CSMD1: variants seen among roughly 807,000 people sequenced by gnomAD.
CSMD1 encodes the protein CUB and Sushi multiple domains 1.
CSMD1 carries 213 observed loss-of-function variants against 417.5 expected under a neutral mutation model. That is an observed-to-expected ratio of 0.51 (90% CI 0.46 to 0.57). The LOEUF is 0.57. CSMD1 is among the 20% of genes least tolerant of loss of function. The pLI, the probability that CSMD1 is intolerant of heterozygous loss-of-function variation, is 0.00. For missense variants in CSMD1, 6,923 were observed against 4,529.7 expected, an observed-to-expected ratio of 1.53 and a Z score of -15.17; for synonymous variants, 2,862 against 1,736.8, an observed-to-expected ratio of 1.65 and a Z score of -16.11.
At chr8:3,982,028 T>C (rs1972150) in intron 5 of CSMD1, among the ~76,000 whole-genome samples, 1 of 151,734 alleles carries the variant, frequency 6.6e-6, no homozygotes, top group Non-Finnish European at 1.5e-5. Context: ...AAAATTAGCC[T>C]GGCGCGGTGA....
At chr8:4,261,791 A>G (rs1803906168) in intron 3 of CSMD1, among the ~76,000 whole-genome samples, 1 of 152,128 alleles carries the variant, frequency 6.6e-6, no homozygotes, top group South Asian at 2.1e-4. Flanking sequence ...TAGTTTGATA[A>G]TGGTAATCAT....
intron 12 of CSMD1, among the ~76,000 whole-genome samples, chr8:3,452,852 C>A (rs963993804): frequency 6.6e-6 from 1 of 152,136 alleles, no homozygotes; most frequent in Admixed American, 6.5e-5. Flanking sequence ...AGGGAGGATT[C>A]CCTCTTTTTC....
chr8:4,840,637 G>A (rs1199115614), intron 1 of CSMD1, among the ~76,000 whole-genome samples: 2 of 152,168 alleles, frequency 1.3e-5, no homozygotes, highest in Non-Finnish European at 2.9e-5. Context: ...AATGAGCATT[G>A]CTATACTTTC....
At chr8:4,542,992 G>C (rs1797466613) in intron 2 of CSMD1, among the ~76,000 whole-genome samples, 1 of 152,112 alleles carries the variant, frequency 6.6e-6, no homozygotes, top group African/African-American at 2.4e-5. Context: ...TTTACAAATT[G>C]ATAGTCTATA....
chr8:4,760,994 T>A (rs1420237621), intron 1 of CSMD1, among the ~76,000 whole-genome samples: 1 of 152,126 alleles, frequency 6.6e-6, no homozygotes, highest in African/African-American at 2.4e-5. Context: ...CTCACCTCCC[T>A]TTATCATTGT....
chr8:4,731,374 G>A (rs1809855338), intron 1 of CSMD1, among the ~76,000 whole-genome samples: 1 of 152,078 alleles, frequency 6.6e-6, no homozygotes, highest in African/African-American at 2.4e-5. Flanking sequence ...AGCTGCATGT[G>A]ACACATTCCC....
intron 5 of CSMD1, among the ~76,000 whole-genome samples, chr8:3,915,936 C>G (rs1808791660): frequency 1.3e-5 from 2 of 151,122 alleles, no homozygotes; most frequent in Admixed American, 6.6e-5. Context: ...CCTACATAAA[C>G]TGGCTCCAAA....
rs1333019306 is a variant in CSMD1 at position 3,990,756 on chromosome 8, C to G, written c.818+7147G>C. ...TGGCTTCTCAGAGTTGCAGGGGCACCTGCTGGTGAGTCCATCCCTTTCATG... is the reference window on the plus strand; with the variant it reads ...TGGCTTCTCAGAGTTGCAGGGGCACGTGCTGGTGAGTCCATCCCTTTCATG... On this transcript the variant is annotated intron_variant, in intron 5 of 69. Transcript: ENST00000635120. Among the ~76,000 whole-genome samples the G allele has an allele frequency of 2.6e-5, 4 of 152,258 alleles. No individual in the cohort carries two copies. In the East Asian group the frequency reaches 5.8e-4, roughly 22 times the overall value.
At chr8:3,298,576 C>A (rs992454975) in intron 25 of CSMD1, among the ~76,000 whole-genome samples, 2 of 152,166 alleles carry the variant, frequency 1.3e-5, no homozygotes, top group African/African-American at 2.4e-5. Flanking sequence ...GCCTCAGCCT[C>A]CCGAGTAGCT....
intron 5 of CSMD1, among the ~76,000 whole-genome samples, chr8:3,867,074 G>GT (rs1251771420): frequency 1.3e-5 from 2 of 152,032 alleles, no homozygotes; most frequent in African/African-American, 2.4e-5. Context: ...TTTCCAACCA[G>GT]TTTTTTAAAA....
chr8:3,636,809 C>G (rs1396420504), intron 7 of CSMD1, among the ~76,000 whole-genome samples: 1 of 152,126 alleles, frequency 6.6e-6, no homozygotes, highest in African/African-American at 2.4e-5. Flanking sequence ...ACGATCATAT[C>G]TTTTCTTTAT....
At chr8:4,832,617 T>C (rs991293879) in intron 1 of CSMD1, among the ~76,000 whole-genome samples, 2 of 152,208 alleles carry the variant, frequency 1.3e-5, no homozygotes, top group African/African-American at 2.4e-5. Flanking sequence ...TTAGGGATTA[T>C]AGTAAGTGTC....
intron 5 of CSMD1, among the ~76,000 whole-genome samples, chr8:3,903,592 A>G (rs1807910853): frequency 6.6e-6 from 1 of 152,112 alleles, no homozygotes; most frequent in Non-Finnish European, 1.5e-5. Context: ...TTTTCTTCAT[A>G]CTTAGTTCAC....
intron 3 of CSMD1, among the ~76,000 whole-genome samples, chr8:4,121,215 A>G (rs941140411): frequency 2.6e-5 from 4 of 152,092 alleles, no homozygotes; most frequent in African/African-American, 9.7e-5. Flanking sequence ...CTCGGGTTCA[A>G]GCAATTCTCC....
At chr8:4,288,249 A>C (rs980463367) in intron 3 of CSMD1, among the ~76,000 whole-genome samples, 1 of 152,116 alleles carries the variant, frequency 6.6e-6, no homozygotes, top group Non-Finnish European at 1.5e-5. Flanking sequence ...TGCCTTCATG[A>C]GTTTCTGACA....
At chr8:4,974,910 T>C (rs1441045728) in intron 1 of CSMD1, among the ~76,000 whole-genome samples, 1 of 152,214 alleles carries the variant, frequency 6.6e-6, no homozygotes, top group Non-Finnish European at 1.5e-5. Context: ...TGGTTTATGT[T>C]GATATACTGG....
At chr8:4,070,449 C>G (rs1413695963) in intron 3 of CSMD1, among the ~76,000 whole-genome samples, 2 of 151,862 alleles carry the variant, frequency 1.3e-5, no homozygotes, top group Non-Finnish European at 2.9e-5. Context: ...GCTCCGCCTC[C>G]CGGGTTCACA....
chr8:3,141,884 G>T (rs1388360378), intron 41 of CSMD1, among the ~76,000 whole-genome samples: 2 of 149,956 alleles, frequency 1.3e-5, no homozygotes, highest in South Asian at 2.1e-4. Flanking sequence ...TGCAAGCTCC[G>T]CCTCCCGGGT....
intron 3 of CSMD1, among the ~76,000 whole-genome samples, chr8:4,066,662 A>C (rs947999516): frequency 1.3e-5 from 2 of 152,206 alleles, no homozygotes; most frequent in African/African-American, 4.8e-5. Flanking sequence ...TTGCTCATCA[A>C]ACCAAGAACA....
Sources: gnomAD v4.1 joint callset for allele counts (sites outside exome capture counted in the v4.1 genomes callset) on GRCh38, gnomAD v4.1.1 for gene constraint, MANE v1.5 for transcripts, NCBI Gene and HGNC (gene_info 2026-07-23, HGNC 2026-07-21) for gene names.